Variants in ADAM33 observed in about 807,000 individuals in gnomAD.
The protein encoded by ADAM33 is ADAM metallopeptidase domain 33.
In ADAM33, 103 loss-of-function variants were observed where a neutral mutation model predicts 106.2. The ratio of observed to expected loss-of-function variants is 0.97; its 90% CI spans 0.83 to 1.14. The LOEUF (loss-of-function observed/expected upper bound fraction) is 1.14, where lower values mean the gene tolerates loss of function less well. Ranked by LOEUF, ADAM33 falls within the 50% of genes most tolerant of loss-of-function variation. The probability of loss-of-function intolerance (pLI) is 0.00; values close to 1 mark genes in which losing one functional copy is unlikely to be tolerated. For synonymous variants in ADAM33, 483 were observed against 453.0 expected (o/e 1.07, Z -0.84); for missense variants, 1,120 against 1,096.6 (o/e 1.02, Z -0.30).
intron 2 of ADAM33, among the ~76,000 whole-genome samples, chr20:3,678,478 C>A (rs549564376): frequency 2.0e-5 from 3 of 152,322 alleles, no homozygotes; most frequent in African/African-American, 7.2e-5. Context: ...GGAGGGCAAT[C>A]TCAAAGCTCA....
At position 3,673,821 on chromosome 20, in the gene ADAM33, C is replaced by G. The variant is rs952257407; in HGVS notation, c.829G>C (p.Ala277Pro). Reference sequence around the variant, plus strand: ...CACTGCAGGAAGGCCCAGAGCGTGGCGTTGGCGTCCTGCGTGACGCGGCTG... The same window carrying G: ...CACTGCAGGAAGGCCCAGAGCGTGGGGTTGGCGTCCTGCGTGACGCGGCTG... ...DRSRVTQDAN[A>P]TLWAFLQWRR... The change falls in exon 9 of 22, where the codon GCC becomes CCC. Residue 277 changes from alanine (A) to proline (P), a missense_variant. Coordinates refer to ENST00000356518, the MANE Select transcript of ADAM33 (RefSeq NM_025220.5). The G allele has an allele frequency of 6.4e-7, 1 of 1,552,410 alleles. No individual in the cohort carries two copies. Among genetic ancestry groups the G allele is most frequent in the Non-Finnish European group, 8.6e-7 (1 of 1,156,412 alleles).
rs1263594507 is a variant in ADAM33, at chr20:3,671,202, C to G, written c.2092+35G>C. On this transcript the variant is annotated intron_variant, in intron 18 of 21. Transcript: ENST00000356518. Reference sequence around the variant, plus strand: ...GCTGAGTCCTGAGCAGGTGCACCACCCCAGCTCCTGCCCACATGCCCCCCA... The same window carrying G: ...GCTGAGTCCTGAGCAGGTGCACCACGCCAGCTCCTGCCCACATGCCCCCCA... 8.1e-6 allele frequency: 13 copies of G among 1,612,760 alleles called. No individual in the cohort carries two copies. The South Asian group carries it at 1.4e-4, about 18-fold the overall frequency.
At chr20:3,679,464 G>C in intron 2 of ADAM33, 28 bp downstream of exon 2, 1 of 1,586,958 alleles carries the variant, frequency 6.3e-7, no homozygotes, top group South Asian at 1.1e-5. Context: ...CAGGGCCCCT[G>C]TGGAGGGCGG....
chr20:3,673,822 G>A lies in ADAM33; in HGVS notation c.828C>T (p.Asn276=), dbSNP rs763209290. The A allele has an allele frequency of 5.8e-6, 9 of 1,554,234 alleles. No individual in the cohort carries two copies. In the South Asian group the frequency reaches 7.0e-5, roughly 12 times the overall value. The change falls in exon 9 of 22, where the codon AAC becomes AAT. Residue 276 remains asparagine (N), a synonymous_variant. Transcript: ENST00000356518. ...ACTGCAGGAAGGCCCAGAGCGTGGCGTTGGCGTCCTGCGTGACGCGGCTGC... is the reference window on the plus strand; with the variant it reads ...ACTGCAGGAAGGCCCAGAGCGTGGCATTGGCGTCCTGCGTGACGCGGCTGC... ...RDRSRVTQDA[N]ATLWAFLQWR...
intron 1 of ADAM33, among the ~76,000 whole-genome samples, chr20:3,681,606 T>TGGGCTGGGGGCTGG (rs111265654): frequency 6.6e-6 from 1 of 151,040 alleles, no homozygotes; most frequent in South Asian, 2.1e-4. Context: ...GCTACGGCTA[T>TGGGCTGGGGGCTGG]GGGCTGGGGG....
chr20:3,672,713 G>T lies in ADAM33; in HGVS notation c.1311+8C>A. 6.3e-7 allele frequency: 1 copy of T among 1,583,786 alleles called. No homozygotes were observed. The highest frequency in any genetic ancestry group is 8.6e-7 in the Non-Finnish European group (1 of 1,163,442). ...AGGGCAAGTGGGGGCCGGGCGAGCC[G>T]ACTTAACCTGGCCAGGGCCGCAGTC... On this transcript the variant is annotated splice_region_variant and intron_variant, in intron 12 of 21. Coordinates refer to ENST00000356518, the MANE Select transcript of ADAM33 (RefSeq NM_025220.5).
chr20:3,679,468 A>G (rs1254582348), intron 2 of ADAM33, 24 bp downstream of exon 2: 8 of 1,591,540 alleles, frequency 5.0e-6, no homozygotes, highest in Non-Finnish European at 6.9e-6. Context: ...GCCCCTGTGG[A>G]GGGCGGGGAG....
rs2087338761 is a variant in ADAM33 at position 3,668,626 on chromosome 20, CCAGACTCCCAGGA to C, written c.*324_*336del. Reference sequence around the variant, plus strand: ...GTGGAAATTGCATGTAGGAGACACACCAGACTCCCAGGACAGAGCCCTTTTGGGATGGCCAGCA... The same window carrying C: ...GTGGAAATTGCATGTAGGAGACACACCAGAGCCCTTTTGGGATGGCCAGCA... On this transcript the variant is annotated 3_prime_UTR_variant, in exon 22 of 22. Transcript: ENST00000356518. 2.7e-6 allele frequency: 1 copy of C among 370,512 alleles called. No individual in the cohort carries two copies. The highest frequency in any genetic ancestry group is 2.1e-5 in the African/African-American group (1 of 48,692). The allele number at this position is 370,512 out of a possible 1,614,324, so 23.0% of individuals were successfully genotyped here. A position where few individuals can be genotyped will look rare whatever the true frequency, so the allele number is the denominator to read the frequency against.
Position 3,671,067 on chromosome 20 carries a change from G to A in ADAM33, c.2179C>T (p.Leu727Phe). ...GAGLAWCCYR[L>F]PGAHLQRCSW... is the part of the protein sequence containing the mutation. The stretch of plus-strand genomic sequence containing the variant: ...CATCGCTGCAGATGGGCTCCTGGGA[G>A]TCGGTAGCAACACCAGGCCAGGCCG... Residue 727 changes from leucine to phenylalanine, a missense_variant, in exon 19 of 22, where the codon CTC (leucine) becomes TTC (phenylalanine). By Grantham distance (22) the Leu-to-Phe change is conservative. Coordinates refer to ENST00000356518, the MANE Select transcript of ADAM33 (RefSeq NM_025220.5). The A allele has an allele frequency of 1.3e-6, 2 of 1,572,636 alleles. No homozygotes were observed. The highest frequency in any genetic ancestry group is 2.3e-5 in the South Asian group (2 of 86,272).
chr20:3,678,324 C>A (rs1270435025), intron 2 of ADAM33, among the ~76,000 whole-genome samples: 3 of 152,228 alleles, frequency 2.0e-5, no homozygotes, highest in Non-Finnish European at 2.9e-5. Flanking sequence ...TCTTGGCAGG[C>A]TTCCTGGGGG....
chr20:3,669,444 G>C, intron 20 of ADAM33, 74 bp from the exon 21 acceptor site: 1 of 1,551,204 alleles, frequency 6.4e-7, no homozygotes, highest in South Asian at 1.2e-5. Context: ...AGGGGCATAG[G>C]GGACTCAAGG....
In ADAM33 at chr20:3,675,271, A is replaced by C. The variant is rs1460431768; in HGVS notation, c.255-166T>G. Among the ~76,000 whole-genome samples the C allele has an allele frequency of 6.6e-6, 1 of 152,162 alleles. No individual in the cohort carries two copies. Among genetic ancestry groups the C allele is most frequent in the African/African-American group, 2.4e-5 (1 of 41,432 alleles). ...AGCAATGGTGACTTGCTCAGATCAG[A>C]AACTCTTGGGGCTAGAGGAAGGAGC... On this transcript the variant is annotated intron_variant, in intron 3 of 21. Transcript: ENST00000356518. The surrounding 1 kb of genome is among the most constrained non-coding windows in gnomAD (Gnocchi z 4.1).
Position 3,671,977 on chromosome 20 carries a change from G to T in ADAM33, c.1606C>A (p.Pro536Thr). ...ACCTGGAAACAGGCCTCGGGAGCTGGGTGGGAGCCTGAGGAAGCATGGGCC... is the reference window on the plus strand; with the variant it reads ...ACCTGGAAACAGGCCTCGGGAGCTGTGTGGGAGCCTGAGGAAGCATGGGCC... Reference protein sequence around the residue: ...CQQLWGPGSHPAPEACFQVVN... With the variant: ...CQQLWGPGSHTAPEACFQVVN... The change falls in exon 15 of 22, where the codon CCA (proline) becomes ACA (threonine). Residue 536 changes from proline to threonine, a missense_variant. By Grantham distance (38) the Pro-to-Thr change is conservative (BLOSUM62 -1). Coordinates refer to ENST00000356518, the MANE Select transcript of ADAM33 (RefSeq NM_025220.5). The T allele has an allele frequency of 6.4e-7, 1 of 1,555,458 alleles. No homozygotes were observed. The highest frequency in any genetic ancestry group is 1.2e-5 in the South Asian group (1 of 84,410).
Position 3,675,129 on chromosome 20 carries a change from C to T in ADAM33, c.255-24G>A, listed in dbSNP as rs2087857599. On this transcript the variant is annotated intron_variant, in intron 3 of 21. Transcript: ENST00000356518. This position sits in a 1 kb window ranked among gnomAD's most constrained non-coding sequence, Gnocchi z 4.1. ...TGCTGAGAGGGGGTGTTACAGGGAA[C>T]ACTGAATTCAGCTTCCTCCTGCCTC... is the stretch of plus-strand genomic sequence containing the variant. 9 of 1,576,346 alleles carry T rather than the reference C, an allele frequency of 5.7e-6. No individual in the cohort carries two copies. Among genetic ancestry groups the T allele is most frequent in the Non-Finnish European group, 7.0e-6 (8 of 1,149,066 alleles).
chr20:3,672,663 C>G (rs374612417), intron 12 of ADAM33, 37 bp from the exon 13 acceptor site: 155 of 1,610,952 alleles, frequency 9.6e-5, no homozygotes, highest in Non-Finnish European at 1.3e-4. Context: ...CAGGTGAGGG[C>G]GCAGCGCCCC....
Position 3,672,733 on chromosome 20 carries a change from G to T in ADAM33, c.1299C>A (p.Cys433Ter), listed in dbSNP as rs771983086. The part of the protein sequence containing the change: ...GFVEAGEECD[C>*]GPGQECRDLC... ...GAGCCGACTTAACCTGGCCAGGGCC[G>T]CAGTCACACTCCTCGCCCGCTTCCA... Residue 433 changes from cysteine to a stop codon, truncating the protein, a stop_gained, in exon 12 of 22, where the codon TGC (cysteine) becomes TGA (stop). Transcript: ENST00000356518. LOFTEE classifies it high-confidence loss of function. 6.4e-7 allele frequency: 1 copy of T among 1,573,428 alleles called. No individual in the cohort carries two copies. The highest frequency in any genetic ancestry group is 8.6e-7 in the Non-Finnish European group (1 of 1,158,984).
rs1047691117 is a variant in ADAM33, at chr20:3,671,894, G to A, written c.1689C>T (p.Phe563=). Residue 563 remains phenylalanine (F), a synonymous_variant, in exon 15 of 22, where the codon TTC becomes TTT. Transcript: ENST00000356518. Reference sequence around the variant, plus strand: ...CTCCCTACCTCCCTGCACAGGGCAGGAAGTGGCCCTCGCTGTCCTGGCCGC... The same window carrying A: ...CTCCCTACCTCCCTGCACAGGGCAGAAAGTGGCCCTCGCTGTCCTGGCCGC... ...GNCGQDSEGH[F]LPCAGRDALC... 7.1e-6 allele frequency: 11 copies of A among 1,553,510 alleles called. No homozygotes were observed. Among genetic ancestry groups the A allele is most frequent in the African/African-American group, 1.4e-5 (1 of 73,248 alleles).
chr20:3,674,699 G>A lies in ADAM33; in HGVS notation c.411-6C>T, dbSNP rs1415431737. ...TGCTGAGGGTGATCAGGCCACTAGG[G>A]TGCAGAGGGGTAGGAGCGGGTGTGA... is the stretch of plus-strand genomic sequence containing the variant. On this transcript the variant is annotated splice_region_variant and splice_polypyrimidine_tract_variant and intron_variant, in intron 5 of 21. Transcript: ENST00000356518. 2 of 1,603,388 alleles carry A rather than the reference G, an allele frequency of 1.2e-6. No individual in the cohort carries two copies. Among genetic ancestry groups the A allele is most frequent in the Admixed American group, 3.5e-5 (2 of 57,886 alleles).
Position 3,675,089 on chromosome 20 carries a change from C to G in ADAM33, c.271G>C (p.Gly91Arg), listed in dbSNP as rs1268171982. The G allele has an allele frequency of 6.2e-7, 1 of 1,613,028 alleles. No individual in the cohort carries two copies. Among genetic ancestry groups the G allele is most frequent in the Admixed American group, 1.7e-5 (1 of 59,978 alleles). Residue 91 changes from glycine (G) to arginine (R), a missense_variant, in exon 4 of 22, where the codon GGA becomes CGA. Transcript: ENST00000356518. The surrounding 1 kb of genome is among the most constrained non-coding windows in gnomAD (Gnocchi z 4.1). ...GGGCCGTAGTGGGTTTCTATGTATC[C>G]TGGGGCCAGCAGCCTGCTGAGAGGG... ...LEKNHRLLAPGYIETHYGPDG... is the reference protein window; with the variant it reads ...LEKNHRLLAPRYIETHYGPDG...
Sources: gnomAD v4.1 joint callset for allele counts (sites outside exome capture counted in the v4.1 genomes callset) on GRCh38, gnomAD v4.1.1 for gene constraint, Gnocchi (gnomAD v3.1) non-coding constraint, MANE v1.5 for transcripts, NCBI Gene and HGNC (gene_info 2026-07-23, HGNC 2026-07-21) for gene names.